The following ATP1A1 variants were observed in gnomAD, a reference collection of about 807,000 sequenced individuals.
ATP1A1 encodes the protein sodium/potassium-transporting ATPase subunit alpha-1.
ATP1A1 carries 14 observed loss-of-function variants against 114.8 expected under a neutral mutation model. The ratio of observed to expected loss-of-function variants is 0.12; its 90% CI spans 0.08 to 0.19. The LOEUF (loss-of-function observed/expected upper bound fraction) is 0.19, where lower values mean the gene tolerates loss of function less well. Among genes scored for constraint, ATP1A1 ranks in the 10% least tolerant of loss-of-function variants. The probability of loss-of-function intolerance (pLI) is 1.00; values close to 1 mark genes in which losing one functional copy is unlikely to be tolerated. For missense variants in ATP1A1, 524 were observed against 1,290.7 expected (o/e 0.41, Z 9.10); for synonymous variants, 471 against 466.3 (o/e 1.01, Z -0.13).
chr1:116,375,745 TG>T (rs1331316668), intron 1 of ATP1A1, among the ~76,000 whole-genome samples: 4 of 152,194 alleles, frequency 2.6e-5, no homozygotes, highest in Non-Finnish European at 5.9e-5. Flanking sequence ...TTTTTCCACA[TG>T]GGGATTAAAA....
chr1:116,389,827 C>A lies in ATP1A1; in HGVS notation c.1023+120C>A. ...TTTATTCTGGATGTTTGATATAGTTCTTCTTGAGAGCCACATCACGTGGTG... is the reference window on the plus strand; with the variant it reads ...TTTATTCTGGATGTTTGATATAGTTATTCTTGAGAGCCACATCACGTGGTG... On this transcript the variant is annotated intron_variant, in intron 8 of 22. Coordinates refer to ENST00000295598, the MANE Select transcript of ATP1A1 (RefSeq NM_000701.8). The surrounding 1 kb of genome is among the most constrained non-coding windows in gnomAD (Gnocchi z 6.9). 9 of 1,384,744 alleles carry A rather than the reference C, an allele frequency of 6.5e-6. No individual in the cohort carries two copies. The highest frequency in any genetic ancestry group is 8.7e-6 in the Non-Finnish European group (9 of 1,031,762). The allele number at this position is 1,384,744 out of a possible 1,614,324, so 85.8% of individuals were successfully genotyped here.
intron 10 of ATP1A1, 144 bp from the exon 11 acceptor site, chr1:116,392,710 A>G (rs1652564823): frequency 1.8e-5 from 18 of 1,004,626 alleles, no homozygotes; most frequent in Admixed American, 5.5e-5. Context: ...CTCCTGTCCC[A>G]CTTAACACCG....
intron 1 of ATP1A1, 111 bp downstream of exon 1, chr1:116,373,634 C>G: frequency 1.6e-6 from 2 of 1,212,354 alleles, no homozygotes; most frequent in East Asian, 6.4e-5. Context: ...GGAAGCGGCG[C>G]CGCGTGGAGT....
In ATP1A1 at chr1:116,397,875, G is replaced by A. The variant is rs200287013; in HGVS notation, c.1974-13G>A. ...GATGCGTGACTTTTTTTTTTTTTTT[G>A]TCCTAATTCTAGGGATGCCAAGGCC... On this transcript the variant is annotated splice_polypyrimidine_tract_variant and intron_variant, in intron 14 of 22. Coordinates refer to ENST00000295598, the MANE Select transcript of ATP1A1 (RefSeq NM_000701.8). This position sits in a 1 kb window ranked among gnomAD's most constrained non-coding sequence, Gnocchi z 4.2. 16 of 1,253,338 alleles carry A rather than the reference G, an allele frequency of 1.3e-5. No individual in the cohort carries two copies. The highest frequency in any genetic ancestry group is 3.1e-5 in the East Asian group (1 of 32,258). 77.6% of individuals were successfully genotyped at this position (1,253,338 alleles called of 1,614,324 possible). A position where few individuals can be genotyped will look rare whatever the true frequency, so the allele number is the denominator to read the frequency against.
chr1:116,396,293 T>C (rs1201118277), intron 13 of ATP1A1, among the ~76,000 whole-genome samples: 2 of 150,814 alleles, frequency 1.3e-5, no homozygotes, highest in Admixed American at 1.3e-4. Context: ...TTTTTTTTTT[T>C]TTTTGCTGGT....
intron 1 of ATP1A1, among the ~76,000 whole-genome samples, chr1:116,375,572 C>T (rs921207842): frequency 1.3e-5 from 2 of 152,188 alleles, no homozygotes; most frequent in African/African-American, 4.8e-5. Context: ...ATTACAGCTG[C>T]GAACACTGGG....
intron 10 of ATP1A1, 36 bp downstream of exon 10, chr1:116,390,927 C>A: frequency 6.4e-7 from 1 of 1,558,432 alleles, no homozygotes; most frequent in Non-Finnish European, 8.8e-7. Context: ...GGGATGTAGA[C>A]AGCACATGAG....
rs112392332 is a variant in ATP1A1 at position 116,374,039 on chromosome 1, G to A, written c.12+516G>A. The stretch of plus-strand genomic sequence containing the variant: ...CGCCGGGGCCTCCTCCCGGGCCTCC[G>A]TTCCCGCCGCGGCCCCGGTTCCGGC... On this transcript the variant is annotated intron_variant, in intron 1 of 22. Transcript: ENST00000295598. 1.1e-5 allele frequency: 15 copies of A among 1,403,742 alleles called. No individual in the cohort carries two copies. In the South Asian group the frequency reaches 1.3e-4, roughly 12 times the overall value. The allele number at this position is 1,403,742 out of a possible 1,614,324, so 87.0% of individuals were successfully genotyped here. A position where few individuals can be genotyped will look rare whatever the true frequency, so the allele number is the denominator to read the frequency against.
Position 116,396,746 on chromosome 1 carries a change from A to T in ATP1A1, c.1973+12A>T. 1 of 1,559,852 alleles carries T rather than the reference A, an allele frequency of 6.4e-7. No individual in the cohort carries two copies. Among genetic ancestry groups the T allele is most frequent in the Non-Finnish European group, 8.7e-7 (1 of 1,150,198 alleles). ...CAGGTGAACCCCAGGTAAGGCAGGA[A>T]GCTCAAATCACAGTCTGCTGTGAAC... On this transcript the variant is annotated intron_variant, in intron 14 of 22. Transcript: ENST00000295598.
At position 116,385,526 on chromosome 1, in the gene ATP1A1, A is replaced by C. The variant is rs888632620; in HGVS notation, c.183+684A>C. The C allele has an allele frequency of 3.3e-5, 5 of 153,008 alleles. No individual in the cohort carries two copies. The East Asian group carries it at 9.6e-4, about 29-fold the overall frequency. 9.5% of individuals were successfully genotyped at this position (153,008 alleles called of 1,614,324 possible). A position where few individuals can be genotyped will look rare whatever the true frequency, so the allele number is the denominator to read the frequency against. ...CAGTAAGGCATCAAGAGACATGGGTACTGTGGTATTCTGATATATATTGGT... is the reference window on the plus strand; with the variant it reads ...CAGTAAGGCATCAAGAGACATGGGTCCTGTGGTATTCTGATATATATTGGT... On this transcript the variant is annotated intron_variant, in intron 3 of 22. Coordinates refer to ENST00000295598, the MANE Select transcript of ATP1A1 (RefSeq NM_000701.8). This position sits in a 1 kb window ranked among gnomAD's most constrained non-coding sequence, Gnocchi z 4.3.
At chr1:116,394,974 G>T in intron 12 of ATP1A1, 136 bp from the exon 13 acceptor site, 1 of 839,620 alleles carries the variant, frequency 1.2e-6, no homozygotes. Context: ...CCCTCACTCT[G>T]TTATAAAAAT....
At chr1:116,377,233 A>AGT (rs1387438393) in intron 1 of ATP1A1, among the ~76,000 whole-genome samples, 4 of 152,236 alleles carry the variant, frequency 2.6e-5, no homozygotes, top group Admixed American at 2.6e-4. Context: ...CTGGGGATCA[A>AGT]GTGAAGTAAT....
Position 116,399,584 on chromosome 1 carries a change from C to T in ATP1A1, c.2572+41C>T. ...GAGTGGGAAGCTGGCACATCTAAGGCATCTGAGGTGATGGTGTCCACCTCA... is the reference window on the plus strand; with the variant it reads ...GAGTGGGAAGCTGGCACATCTAAGGTATCTGAGGTGATGGTGTCCACCTCA... On this transcript the variant is annotated intron_variant, in intron 18 of 22. Coordinates refer to ENST00000295598, the MANE Select transcript of ATP1A1 (RefSeq NM_000701.8). This position sits in a 1 kb window ranked among gnomAD's most constrained non-coding sequence, Gnocchi z 5.0. 1 of 1,610,224 alleles carries T rather than the reference C, an allele frequency of 6.2e-7. No individual in the cohort carries two copies. Among genetic ancestry groups the T allele is most frequent in the Non-Finnish European group, 8.5e-7 (1 of 1,178,212 alleles).
chr1:116,389,526 A>AG lies in ATP1A1; in HGVS notation c.843dup (p.Thr282AspfsTer8), dbSNP rs780584299. 1 of 1,614,230 alleles carries AG rather than the reference A, an allele frequency of 6.2e-7. No individual in the cohort carries two copies. On this transcript the variant is annotated frameshift_variant, in exon 8 of 23. Transcript: ENST00000295598. LOFTEE classifies it high-confidence loss of function. This position sits in a 1 kb window ranked among gnomAD's most constrained non-coding sequence, Gnocchi z 6.9. ...CTTGCTTCTGGGCTGGAAGGAGGCC[A>AG]GACCCCCATTGCTGCAGAAATTGAA... is the stretch of plus-strand genomic sequence containing the variant.
In ATP1A1 at chr1:116,387,209, A is replaced by G. The variant is rs142528495; in HGVS notation, c.184-79A>G. ...GTTTCTTCCTTAAATCCTTATTGCA[A>G]CCGTCCAGCTACCAGGTAGGTATAT... On this transcript the variant is annotated intron_variant, in intron 3 of 22. Transcript: ENST00000295598. The surrounding 1 kb of genome is among the most constrained non-coding windows in gnomAD (Gnocchi z 6.7). 1.8e-5 allele frequency: 28 copies of G among 1,521,962 alleles called. 1 individual carries two copies. In the Admixed American group the frequency reaches 2.7e-4, roughly 15 times the overall value. 94.3% of individuals were successfully genotyped at this position (1,521,962 alleles called of 1,614,324 possible).
chr1:116,386,608 T>C (rs1652113983), intron 3 of ATP1A1, among the ~76,000 whole-genome samples: 1 of 152,212 alleles, frequency 6.6e-6, no homozygotes, highest in South Asian at 2.1e-4. Context: ...CCTCTCTTAA[T>C]GAGAGCTTAT....
chr1:116,373,386 CG>C lies in ATP1A1; in HGVS notation c.-125del, dbSNP rs1651119374. 1 of 761,528 alleles carries C rather than the reference CG, an allele frequency of 1.3e-6. No homozygotes were observed. Among genetic ancestry groups the C allele is most frequent in the Non-Finnish European group, 1.9e-6 (1 of 536,966 alleles). The allele number at this position is 761,528 out of a possible 1,614,324, so 47.2% of individuals were successfully genotyped here. A position where few individuals can be genotyped will look rare whatever the true frequency, so the allele number is the denominator to read the frequency against. On this transcript the variant is annotated 5_prime_UTR_variant, in exon 1 of 23. Coordinates refer to ENST00000295598, the MANE Select transcript of ATP1A1 (RefSeq NM_000701.8). ...CGGCCGCCCTCCCACCCTCCCGCCC[CG>C]CGGCAGCCCTAGCTCCCTCCACTTG... is the stretch of plus-strand genomic sequence containing the variant.
Position 116,390,536 on chromosome 1 carries a change from G to GTTT in ATP1A1, c.1222+137_1222+139dup, listed in dbSNP as rs79640523. 8,077 of 692,886 alleles carry GTTT rather than the reference G, an allele frequency of 0.012. 391 individuals carry two copies. The African/African-American group carries it at 0.14, about 12-fold the overall frequency. The allele number at this position is 692,886 out of a possible 1,614,324, so 42.9% of individuals were successfully genotyped here. On this transcript the variant is annotated intron_variant, in intron 9 of 22. Coordinates refer to ENST00000295598, the MANE Select transcript of ATP1A1 (RefSeq NM_000701.8). The stretch of plus-strand genomic sequence containing the variant: ...CATGGCAGCTTTTTCTTTCTTTTTT[G>GTTT]TTTTTTTTTTTTTTATCATTTAGTG...
Position 116,393,462 on chromosome 1 carries a change from C to CT in ATP1A1, c.1468-66dup. ...AGCAAATACTAAATAGTAAGTGAAG[C>CT]TTTGTTTTCCACCATGGACTGCCAC... On this transcript the variant is annotated intron_variant, in intron 11 of 22. Coordinates refer to ENST00000295598, the MANE Select transcript of ATP1A1 (RefSeq NM_000701.8). This position sits in a 1 kb window ranked among gnomAD's most constrained non-coding sequence, Gnocchi z 5.0. 3.4e-6 allele frequency: 5 copies of CT among 1,486,950 alleles called. No individual in the cohort carries two copies. The highest frequency in any genetic ancestry group is 4.5e-6 in the Non-Finnish European group (5 of 1,100,972). 92.1% of individuals were successfully genotyped at this position (1,486,950 alleles called of 1,614,324 possible). A position where few individuals can be genotyped will look rare whatever the true frequency, so the allele number is the denominator to read the frequency against.
Sources: allele counts gnomAD v4.1 joint callset (sites outside exome capture counted in the v4.1 genomes callset), GRCh38; gene constraint gnomAD v4.1.1; non-coding constraint Gnocchi (gnomAD v3.1); transcripts MANE v1.5; gene names NCBI Gene and HGNC (gene_info 2026-07-23, HGNC 2026-07-21).